ATIC: variants seen among roughly 807,000 people sequenced by gnomAD.
ATIC encodes the protein 5-aminoimidazole-4-carboxamide ribonucleotide formyltransferase/IMP cyclohydrolase.
In ATIC, 64 loss-of-function variants were observed where a neutral mutation model predicts 72.5. That is an observed-to-expected ratio of 0.88 (90% CI 0.72 to 1.09). ATIC has a LOEUF of 1.09. Ranked by LOEUF, ATIC falls within the 50% of genes least tolerant of loss-of-function variation. ATIC has a pLI of 0.00. For missense variants in ATIC, 787 were observed against 732.4 expected (o/e 1.07, Z -0.86); for synonymous variants, 281 against 267.1 (o/e 1.05, Z -0.51).
chr2:215,367,726 G>A, the ATIC span: 14 of 850,288 alleles, frequency 1.6e-5, no homozygotes, highest in South Asian at 5.8e-5. Flanking sequence ...ATATTACTTC[G>A]AGTCAAACAG....
intron 11 of ATIC, among the ~76,000 whole-genome samples, chr2:215,337,228 T>C (rs1244182089): frequency 1.3e-5 from 2 of 152,192 alleles, no homozygotes; most frequent in African/African-American, 4.8e-5. Context: ...AGTATTGATA[T>C]CAGAACTCTG....
rs112134807 is a variant in ATIC, at chr2:215,321,978, A to C, written c.290+2247A>C. ...GAGCACAGTGGCGTCATCTTGGCTC[A>C]CTGCAACCTCCACCTCCCGGATTCA... On this transcript the variant is annotated intron_variant, in intron 4 of 15. Transcript: ENST00000236959. Among the ~76,000 whole-genome samples the C allele has an allele frequency of 5.1e-3, 776 of 152,120 alleles. 6 individuals are homozygous for C. The highest frequency in any genetic ancestry group is 0.018 in the African/African-American group (741 of 41,482).
rs1463695170 is a variant in ATIC at position 215,339,051 on chromosome 2, A to G, written c.1227+144A>G. The G allele has an allele frequency of 4.3e-6, 5 of 1,169,532 alleles. No individual in the cohort carries two copies. In the African/African-American group the frequency reaches 4.6e-5, roughly 11 times the overall value. The allele number at this position is 1,169,532 out of a possible 1,614,324, so 72.4% of individuals were successfully genotyped here. A position where few individuals can be genotyped will look rare whatever the true frequency, so the allele number is the denominator to read the frequency against. On this transcript the variant is annotated intron_variant, in intron 12 of 15. Transcript: ENST00000236959. ...AGCTAGCTTATCTTTGAGTTGTCAC[A>G]TAAGCTTTGGAGTTTAAGAAATGAA...
intron 14 of ATIC, chr2:215,347,389 T>A (rs929896260): frequency 3.2e-5 from 12 of 373,328 alleles, no homozygotes; most frequent in Non-Finnish European, 6.3e-5. Context: ...ACATGTGCCA[T>A]TAATAACTTG....
Position 215,312,153 on chromosome 2 carries a change from G to T in ATIC, c.11G>T (p.Gly4Val). The T allele has an allele frequency of 6.6e-7, 1 of 1,523,022 alleles. No homozygotes were observed. Among genetic ancestry groups the T allele is most frequent in the Non-Finnish European group, 8.8e-7 (1 of 1,142,206 alleles). The allele number at this position is 1,523,022 out of a possible 1,614,324, so 94.3% of individuals were successfully genotyped here. A position where few individuals can be genotyped will look rare whatever the true frequency, so the allele number is the denominator to read the frequency against. The change falls in exon 1 of 16, where the codon GGC becomes GTC. Residue 4 changes from glycine to valine, a missense_variant. Coordinates refer to ENST00000236959, the MANE Select transcript of ATIC (RefSeq NM_004044.7). ...CCAGTGCCTGCAGCCATGGCTCCCG[G>T]CCAGCTCGGTGAGGCCCTAGCGGAG... is the stretch of plus-strand genomic sequence containing the variant. MAPGQLALFSVSDK... is the reference protein window; with the variant it reads MAPVQLALFSVSDK...
chr2:215,342,019 A>T (rs115295617), intron 12 of ATIC, among the ~76,000 whole-genome samples: 5,062 of 152,284 alleles, frequency 0.033, 280 homozygotes, highest in African/African-American at 0.12. Context: ...GCTTACTGTC[A>T]GATCTCATGA....
In ATIC at chr2:215,344,836, C is replaced by T. The variant is rs759115056; in HGVS notation, c.1285C>T (p.Gln429Ter). Residue 429 changes from glutamine to a stop codon, truncating the protein, a stop_gained, in exon 13 of 16, where the codon CAG (glutamine) becomes TAG (stop). Coordinates refer to ENST00000236959, the MANE Select transcript of ATIC (RefSeq NM_004044.7). LOFTEE classifies it high-confidence loss of function. ...IVATIAVKYT[Q>*]SNSVCYAKNG... ...AGCCACCATTGCTGTCAAGTACACT[C>T]AGTCTAACTCTGTGTGCTACGCCAA... 2.5e-6 allele frequency: 4 copies of T among 1,614,064 alleles called. No individual in the cohort carries two copies. The highest frequency in any genetic ancestry group is 1.1e-5 in the South Asian group (1 of 91,078).
chr2:215,326,671 C>A, intron 6 of ATIC, 151 bp from the exon 7 acceptor site: 2 of 944,050 alleles, frequency 2.1e-6, no homozygotes, highest in Non-Finnish European at 3.4e-6. Flanking sequence ...CCATTCAGTG[C>A]TTTGCTGTCA....
chr2:215,368,516 A>C, the ATIC span, among the ~76,000 whole-genome samples: 32 of 152,244 alleles, frequency 2.1e-4, no homozygotes, highest in Non-Finnish European at 8.8e-5. Flanking sequence ...TGAATTCAAA[A>C]CATTGACCCT....
intron 10 of ATIC, among the ~76,000 whole-genome samples, chr2:215,335,447 G>C (rs998089551): frequency 5.3e-5 from 8 of 152,080 alleles, no homozygotes; most frequent in African/African-American, 1.9e-4. Flanking sequence ...AGGAAGACAG[G>C]AAGAAAAGAG....
At chr2:215,313,063 C>T (rs113657738) in intron 2 of ATIC, among the ~76,000 whole-genome samples, 1 of 152,328 alleles carries the variant, frequency 6.6e-6, no homozygotes, top group African/African-American at 2.4e-5. Flanking sequence ...CACTACTGCA[C>T]TCCATCCTGG....
downstream of ATIC, among the ~76,000 whole-genome samples, chr2:215,354,111 T>C (rs1286042398): frequency 1.3e-5 from 2 of 150,720 alleles, no homozygotes; most frequent in Non-Finnish European, 3.0e-5. Context: ...CACCACAGCC[T>C]CTGCCTCCAT....
the ATIC span, chr2:215,367,960 G>C: frequency 6.2e-7 from 1 of 1,614,120 alleles, no homozygotes; most frequent in Non-Finnish European, 8.5e-7. Flanking sequence ...CATCTCCAAC[G>C]GCATAATGGG....
chr2:215,358,508 C>CT, the ATIC span, among the ~76,000 whole-genome samples: 1 of 152,116 alleles, frequency 6.6e-6, no homozygotes, highest in Admixed American at 6.5e-5. Flanking sequence ...GGGAGCTTAT[C>CT]AAGCCATGCT....
downstream of ATIC, among the ~76,000 whole-genome samples, chr2:215,353,723 A>G (rs2106056229): frequency 6.6e-6 from 1 of 151,952 alleles, no homozygotes; most frequent in Non-Finnish European, 1.5e-5. Flanking sequence ...CACCACACCC[A>G]GCTAATTTTT....
intron 4 of ATIC, among the ~76,000 whole-genome samples, chr2:215,320,106 C>A (rs145610902): frequency 2.0e-5 from 3 of 152,266 alleles, no homozygotes; most frequent in African/African-American, 7.2e-5. Context: ...GTCATGTTGA[C>A]GCTCAAAAAG....
chr2:215,358,520 A>G, the ATIC span, among the ~76,000 whole-genome samples: 1 of 152,208 alleles, frequency 6.6e-6, no homozygotes, highest in Non-Finnish European at 1.5e-5. Context: ...AGCCATGCTA[A>G]AAGTGTCAGC....
intron 12 of ATIC, among the ~76,000 whole-genome samples, chr2:215,339,626 GATTT>G (rs770750459): frequency 8.5e-4 from 130 of 152,172 alleles, no homozygotes; most frequent in Non-Finnish European, 1.5e-3. Flanking sequence ...CTGATTGATT[GATTT>G]ATTTTTTTAT....
chr2:215,312,632 ATAGC>A lies in ATIC; in HGVS notation c.146+12_146+15del. 1 of 1,614,170 alleles carries A rather than the reference ATAGC, an allele frequency of 6.2e-7. No individual in the cohort carries two copies. The highest frequency in any genetic ancestry group is 8.5e-7 in the Non-Finnish European group (1 of 1,180,014). Reference sequence around the variant, plus strand: ...TGCTGGTCTGGCAGTCAGGTAAGGCATAGCTAGTTCCATCAGAAAGGAGTGTGAT... The same window carrying A: ...TGCTGGTCTGGCAGTCAGGTAAGGCATAGTTCCATCAGAAAGGAGTGTGAT... On this transcript the variant is annotated intron_variant, in intron 2 of 15. Coordinates refer to ENST00000236959, the MANE Select transcript of ATIC (RefSeq NM_004044.7).
Sources: allele counts gnomAD v4.1 joint callset (sites outside exome capture counted in the v4.1 genomes callset), GRCh38; gene constraint gnomAD v4.1.1; transcripts MANE v1.5; gene names NCBI Gene and HGNC (gene_info 2026-07-23, HGNC 2026-07-21).